INCENP: variants seen among roughly 807,000 people sequenced by gnomAD.
INCENP encodes inner centromere protein.
A neutral mutation model predicts 107.3 loss-of-function variants in INCENP; 43 were observed. The ratio of observed to expected loss-of-function variants is 0.40; its 90% CI spans 0.31 to 0.52. The LOEUF (loss-of-function observed/expected upper bound fraction) is 0.52, where lower values mean the gene tolerates loss of function less well. Ranked by LOEUF, INCENP falls within the 20% of genes least tolerant of loss-of-function variation. The pLI is 0.53. For missense variants in INCENP, 1,089 were observed against 1,250.9 expected (o/e 0.87, Z 1.95); for synonymous variants, 488 against 494.4 (o/e 0.99, Z 0.17).
At chr11:62,141,372 T>TGGG in intron 10 of INCENP, 128 bp from the exon 11 acceptor site, 4 of 1,198,798 alleles carry the variant, frequency 3.3e-6, no homozygotes, top group Non-Finnish European at 4.9e-6. Flanking sequence ...GGAGAGGCGG[T>TGGG]GGGGGTGCTG....
At chr11:62,134,345 C>T (rs953261637) in intron 4 of INCENP, among the ~76,000 whole-genome samples, 3 of 143,630 alleles carry the variant, frequency 2.1e-5, no homozygotes, top group Non-Finnish European at 4.5e-5. Context: ...CCCAGGAGGT[C>T]GAGGCTGCAC....
intron 4 of INCENP, 33 bp downstream of exon 4, chr11:62,130,623 C>G (rs1410849823): frequency 6.3e-7 from 1 of 1,576,390 alleles, no homozygotes; most frequent in Admixed American, 1.7e-5. Context: ...GGCGGGTGGT[C>G]CTTGGTGCCA....
Position 62,140,497 on chromosome 11 carries a change from C to T in INCENP, c.1344-207C>T, listed in dbSNP as rs12795611. ...AGGGCGACCCGATTGTTGACCCCGTCTTAGTGTGGTCTCCTGGCCATGTGA... is the reference window on the plus strand; with the variant it reads ...AGGGCGACCCGATTGTTGACCCCGTTTTAGTGTGGTCTCCTGGCCATGTGA... On this transcript the variant is annotated intron_variant, in intron 8 of 18. Coordinates refer to ENST00000394818, the MANE Select transcript of INCENP (RefSeq NM_001040694.2). Among the ~76,000 whole-genome samples, 35,907 of 152,158 alleles carry T rather than the reference C, an allele frequency of 0.24. 4,571 individuals carry two copies. Among genetic ancestry groups the T allele is most frequent in the South Asian group, 0.4 (1,924 of 4,822 alleles).
In INCENP at chr11:62,152,731, C is replaced by T. The variant is rs547146991; in HGVS notation, c.*755C>T. The T allele has an allele frequency of 3.4e-4, 52 of 152,362 alleles. No individual in the cohort carries two copies. Among genetic ancestry groups the T allele is most frequent in the African/African-American group, 1.2e-3 (49 of 41,560 alleles). 9.4% of individuals were successfully genotyped at this position (152,362 alleles called of 1,614,324 possible). On this transcript the variant is annotated 3_prime_UTR_variant, in exon 19 of 19. Coordinates refer to ENST00000394818, the MANE Select transcript of INCENP (RefSeq NM_001040694.2). Reference sequence around the variant, plus strand: ...TGAGAGCATCTATGTGCTGGTGAAGCATGAGGTCTGAGTAGAAAAGGGGTA... The same window carrying T: ...TGAGAGCATCTATGTGCTGGTGAAGTATGAGGTCTGAGTAGAAAAGGGGTA...
At chr11:62,146,234 C>T (rs890208115) in intron 14 of INCENP, among the ~76,000 whole-genome samples, 5 of 152,154 alleles carry the variant, frequency 3.3e-5, no homozygotes, top group South Asian at 4.1e-4. Context: ...GCAAATCCAC[C>T]ATTAGGGGTT....
intron 1 of INCENP, 143 bp from the exon 2 acceptor site, chr11:62,128,008 G>A: frequency 1.4e-6 from 1 of 714,924 alleles, no homozygotes; most frequent in Non-Finnish European, 2.4e-6. Flanking sequence ...GCTCTGGGGA[G>A]TGGCTGTGAG....
At chr11:62,137,929 A>G (rs1246517826) in intron 5 of INCENP, 46 bp downstream of exon 5, 1 of 1,541,772 alleles carries the variant, frequency 6.5e-7, no homozygotes, top group Admixed American at 1.7e-5. Flanking sequence ...GCATACCAGG[A>G]CAGGGAGCCA....
chr11:62,128,403 CAG>C, intron 2 of INCENP, 102 bp downstream of exon 2: 2 of 1,325,038 alleles, frequency 1.5e-6, no homozygotes, highest in Non-Finnish European at 2.1e-6. Context: ...CCTGGCAAAA[CAG>C]ACAGCCTGTC....
At chr11:62,138,593 T>G (rs1944041249) in intron 5 of INCENP, 120 bp from the exon 6 acceptor site, 1 of 878,756 alleles carries the variant, frequency 1.1e-6, no homozygotes, top group African/African-American at 1.7e-5. Flanking sequence ...TTCGTGGCCC[T>G]GGCCAGGGCA....
chr11:62,151,097 C>T (rs532761535), intron 18 of INCENP, among the ~76,000 whole-genome samples: 2 of 152,234 alleles, frequency 1.3e-5, no homozygotes, highest in Non-Finnish European at 2.9e-5. Context: ...CTTTGAACAG[C>T]TTACTTAAAT....
At chr11:62,143,417 C>T (rs1944168184) in intron 11 of INCENP, among the ~76,000 whole-genome samples, 1 of 152,090 alleles carries the variant, frequency 6.6e-6, no homozygotes, top group Non-Finnish European at 1.5e-5. Context: ...GAGTTCCAGG[C>T]TGTGTTGAGT....
At chr11:62,135,691 A>T (rs954140001) in intron 4 of INCENP, among the ~76,000 whole-genome samples, 2 of 152,198 alleles carry the variant, frequency 1.3e-5, no homozygotes, top group East Asian at 3.9e-4. Flanking sequence ...ATAATATCCT[A>T]AAAAAGCACA....
intron 18 of INCENP, 132 bp downstream of exon 18, chr11:62,150,339 C>G: frequency 1.1e-6 from 1 of 941,728 alleles, no homozygotes; most frequent in East Asian, 2.6e-5. Flanking sequence ...GTTCGAGGCT[C>G]TAGCCTTGGG....
intron 5 of INCENP, 72 bp downstream of exon 5, chr11:62,137,955 C>A: frequency 7.3e-7 from 1 of 1,363,638 alleles, no homozygotes; most frequent in Non-Finnish European, 1.1e-6. Flanking sequence ...AGCACCAGGG[C>A]TGGAAGCAAT....
chr11:62,133,978 C>T (rs1409957031), intron 4 of INCENP, among the ~76,000 whole-genome samples: 4 of 152,202 alleles, frequency 2.6e-5, no homozygotes, highest in Non-Finnish European at 5.9e-5. Context: ...GCTCAGGATG[C>T]GCCAGCTCAG....
At chr11:62,150,535 G>A (rs201866506) in intron 18 of INCENP, among the ~76,000 whole-genome samples, 1 of 152,236 alleles carries the variant, frequency 6.6e-6, no homozygotes, top group East Asian at 1.9e-4. Flanking sequence ...ATCCAGCAGG[G>A]CTGAAGAGAC....
In INCENP at chr11:62,150,094, G is replaced by C; in HGVS notation, c.2429G>C (p.Gly810Ala). Residue 810 changes from glycine (G) to alanine (A), a missense_variant, in exon 18 of 19, where the codon GGG becomes GCG. By Grantham distance (60) the Gly-to-Ala change is moderately conservative. Coordinates refer to ENST00000394818, the MANE Select transcript of INCENP (RefSeq NM_001040694.2). Reference sequence around the variant, plus strand: ...ACCTCATATCAGATGACTCCGCAAGGGCACAGGGCCCCTCCCAAGATCAAC... The same window carrying C: ...ACCTCATATCAGATGACTCCGCAAGCGCACAGGGCCCCTCCCAAGATCAAC... ...ACTSYQMTPQ[G>A]HRAPPKINPD... 1 of 1,614,014 alleles carries C rather than the reference G, an allele frequency of 6.2e-7. No individual in the cohort carries two copies. Among genetic ancestry groups the C allele is most frequent in the Non-Finnish European group, 8.5e-7 (1 of 1,180,012 alleles).
intron 3 of INCENP, 148 bp downstream of exon 3, chr11:62,129,031 G>T (rs1943820153): frequency 1.6e-6 from 1 of 627,332 alleles, no homozygotes; most frequent in Non-Finnish European, 2.9e-6. Flanking sequence ...CGTGGGCCAT[G>T]CTGAGAGGGG....
intron 7 of INCENP, 31 bp downstream of exon 7, chr11:62,139,036 C>T: frequency 1.3e-6 from 2 of 1,508,916 alleles, no homozygotes; most frequent in South Asian, 2.2e-5. Context: ...GTGTGCAGTG[C>T]CCGGAGCCAC....
Sources: allele counts gnomAD v4.1 joint callset (sites outside exome capture counted in the v4.1 genomes callset), GRCh38; gene constraint gnomAD v4.1.1; transcripts MANE v1.5; gene names NCBI Gene and HGNC (gene_info 2026-07-23, HGNC 2026-07-21).